MRPS9: variants seen among roughly 807,000 people sequenced by gnomAD.
MRPS9 encodes the protein small ribosomal subunit protein uS9m.
A neutral mutation model predicts 59.9 loss-of-function variants in MRPS9; 45 were observed. The ratio of observed to expected loss-of-function variants is 0.75; its 90% confidence interval spans 0.59 to 0.96. The LOEUF is 0.96. Ranked by LOEUF, MRPS9 falls within the 40% of genes least tolerant of loss-of-function variation. The pLI, the probability that MRPS9 is intolerant of heterozygous loss-of-function variation, is 0.00. For synonymous variants in MRPS9, 171 were observed against 166.8 expected (o/e 1.03, Z -0.19); for missense variants, 473 against 481.1 (o/e 0.98, Z 0.16).
Position 105,073,423 on chromosome 2 carries a change from T to C in MRPS9, c.409+1934T>C, listed in dbSNP as rs188000751. Among the ~76,000 whole-genome samples, 43 of 152,310 alleles carry C rather than the reference T, an allele frequency of 2.8e-4. No homozygotes were observed. In the East Asian group the frequency reaches 7.9e-3, roughly 28 times the overall value. ...TGTAACTGTATGTAAACAGTACTCCTCTAGAATTAGTAAAATTTTTTTGTT... is the reference window on the plus strand; with the variant it reads ...TGTAACTGTATGTAAACAGTACTCCCCTAGAATTAGTAAAATTTTTTTGTT... On this transcript the variant is annotated intron_variant, in intron 4 of 10. Transcript: ENST00000258455.
intron 2 of MRPS9, among the ~76,000 whole-genome samples, chr2:105,062,270 C>T (rs996619453): frequency 1.3e-5 from 2 of 152,204 alleles, no homozygotes; most frequent in African/African-American, 4.8e-5. Flanking sequence ...AAACCCAGTT[C>T]TCTTACCTTT....
At chr2:105,078,582 T>C (rs1246544882) in intron 4 of MRPS9, among the ~76,000 whole-genome samples, 1 of 152,172 alleles carries the variant, frequency 6.6e-6, no homozygotes, top group East Asian at 1.9e-4. Flanking sequence ...AAATCAACCA[T>C]AAGCCATTAG....
chr2:105,071,247 C>T, intron 2 of MRPS9, 66 bp from the exon 3 acceptor site: 1 of 1,325,186 alleles, frequency 7.5e-7, no homozygotes, highest in Non-Finnish European at 1.1e-6. Flanking sequence ...AGAAAGCACT[C>T]TATAACTATT....
chr2:105,038,338 T>G, intron 1 of MRPS9, 111 bp downstream of exon 1: 2 of 1,408,122 alleles, frequency 1.4e-6, no homozygotes. Context: ...GACTCTAGGA[T>G]CTTAGGTATT....
intron 4 of MRPS9, among the ~76,000 whole-genome samples, chr2:105,079,770 C>T (rs1403915428): frequency 3.9e-5 from 6 of 151,944 alleles, no homozygotes. Context: ...TAAATGTAAA[C>T]ATTGTTTTAT....
At chr2:105,077,573 A>C (rs1207925505) in intron 4 of MRPS9, among the ~76,000 whole-genome samples, 1 of 152,216 alleles carries the variant, frequency 6.6e-6, no homozygotes, top group Non-Finnish European at 1.5e-5. Context: ...TCATGCAGGC[A>C]TACATAGGTA....
intron 7 of MRPS9, 29 bp downstream of exon 7, chr2:105,090,024 G>A: frequency 7.6e-7 from 1 of 1,315,130 alleles, no homozygotes; most frequent in Non-Finnish European, 1.1e-6. Context: ...TAATTTAAGG[G>A]GACCTATGCA....
At chr2:105,054,263 G>A (rs995619979) in intron 2 of MRPS9, among the ~76,000 whole-genome samples, 1 of 152,204 alleles carries the variant, frequency 6.6e-6, no homozygotes, top group African/African-American at 2.4e-5. Flanking sequence ...AATACCATCT[G>A]CCATAACTGG....
chr2:105,043,167 T>C (rs1461778869), intron 1 of MRPS9, among the ~76,000 whole-genome samples: 1 of 152,234 alleles, frequency 6.6e-6, no homozygotes. Flanking sequence ...AGTAGCTTTT[T>C]GTATATAGTT....
chr2:105,078,196 A>G (rs1005174222), intron 4 of MRPS9, among the ~76,000 whole-genome samples: 14 of 149,252 alleles, frequency 9.4e-5, no homozygotes, highest in African/African-American at 3.5e-4. Flanking sequence ...ACACTTCACA[A>G]TTTTTGTAAA....
intron 2 of MRPS9, among the ~76,000 whole-genome samples, chr2:105,068,708 T>C (rs955761674): frequency 2.6e-5 from 4 of 152,256 alleles, no homozygotes; most frequent in African/African-American, 9.6e-5. Context: ...CCTGTATTTA[T>C]ACGTCTTTTC....
At chr2:105,096,757 A>G (rs1680669083) in intron 9 of MRPS9, among the ~76,000 whole-genome samples, 1 of 152,242 alleles carries the variant, frequency 6.6e-6, no homozygotes, top group African/African-American at 2.4e-5. Flanking sequence ...ATGACATGTG[A>G]TAATTGTTTG....
At chr2:105,058,657 A>C (rs533842682) in intron 2 of MRPS9, among the ~76,000 whole-genome samples, 17 of 149,984 alleles carry the variant, frequency 1.1e-4, no homozygotes, top group African/African-American at 4.1e-4. Context: ...TATAGATGAC[A>C]TGCTGTAGTT....
At chr2:105,038,366 TG>T in intron 1 of MRPS9, 139 bp downstream of exon 1, 10 of 1,175,792 alleles carry the variant, frequency 8.5e-6, no homozygotes, top group African/African-American at 1.5e-5. Context: ...GGTCTGAGGT[TG>T]GGGGGGAGGA....
chr2:105,056,088 A>G (rs769703241), intron 2 of MRPS9, among the ~76,000 whole-genome samples: 22 of 152,150 alleles, frequency 1.4e-4, no homozygotes, highest in Non-Finnish European at 3.2e-4. Context: ...GAAAACTACT[A>G]CCACATACTA....
At chr2:105,087,011 A>C (rs767643015) in intron 5 of MRPS9, among the ~76,000 whole-genome samples, 5 of 152,216 alleles carry the variant, frequency 3.3e-5, no homozygotes, top group Non-Finnish European at 7.3e-5. Flanking sequence ...TATACTATCC[A>C]TTTGAAGTCC....
chr2:105,077,765 T>C (rs867606124), intron 4 of MRPS9, among the ~76,000 whole-genome samples: 1 of 151,424 alleles, frequency 6.6e-6, no homozygotes, highest in African/African-American at 2.5e-5. Flanking sequence ...TTGCAAAATA[T>C]ATGAGATTTA....
chr2:105,083,227 T>A (rs1200575583), intron 5 of MRPS9, among the ~76,000 whole-genome samples: 4 of 152,152 alleles, frequency 2.6e-5, no homozygotes, highest in Non-Finnish European at 5.9e-5. Flanking sequence ...TAGATGGCTG[T>A]GTAAAAAATA....
chr2:105,095,155 A>G (rs1680632039), intron 9 of MRPS9, among the ~76,000 whole-genome samples: 1 of 152,186 alleles, frequency 6.6e-6, no homozygotes, highest in South Asian at 2.1e-4. Context: ...CAGTGAGGTG[A>G]CCATTGACTA....
Sources: gnomAD v4.1 joint callset for allele counts (sites outside exome capture counted in the v4.1 genomes callset) on GRCh38, gnomAD v4.1.1 for gene constraint, MANE v1.5 for transcripts, NCBI Gene and HGNC (gene_info 2026-07-23, HGNC 2026-07-21) for gene names.